CNTNAP2: variants seen among roughly 807,000 people sequenced by gnomAD.
CNTNAP2 encodes contactin-associated protein-like 2.
A neutral mutation model predicts 155.2 loss-of-function variants in CNTNAP2; 98 were observed. The ratio of observed to expected loss-of-function variants is 0.63; its 90% CI spans 0.54 to 0.75. The LOEUF is 0.75. CNTNAP2 is among the 30% of genes least tolerant of loss of function. The pLI, the probability that CNTNAP2 is intolerant of heterozygous loss-of-function variation, is 0.00. For missense variants in CNTNAP2, 1,727 were observed against 1,688.1 expected, an observed-to-expected ratio of 1.02 and a Z score of -0.40; for synonymous variants, 651 against 631.2, an observed-to-expected ratio of 1.03 and a Z score of -0.47.
rs1443674000 is a variant in CNTNAP2, at chr7:147,566,614, T to C, written c.1897+4357T>C. On this transcript the variant is annotated intron_variant, in intron 12 of 23. Coordinates refer to ENST00000361727, the MANE Select transcript of CNTNAP2 (RefSeq NM_014141.6). Reference sequence around the variant, plus strand: ...CAGGAGAGAGCATGTGAAGGCAGAATTGTCAAACACTTATAAAACCATTAG... The same window carrying C: ...CAGGAGAGAGCATGTGAAGGCAGAACTGTCAAACACTTATAAAACCATTAG... Among the ~76,000 whole-genome samples the C allele has an allele frequency of 5.3e-5, 8 of 152,030 alleles. No homozygotes were observed. The South Asian group carries it at 6.2e-4, about 12-fold the overall frequency.
chr7:147,932,555 C>A (rs1800525715), intron 14 of CNTNAP2, among the ~76,000 whole-genome samples: 2 of 152,114 alleles, frequency 1.3e-5, no homozygotes, highest in African/African-American at 4.8e-5. Flanking sequence ...ACATAAAAAT[C>A]AACTCAAAAT....
chr7:147,711,568 TG>T (rs1796400414), intron 13 of CNTNAP2, among the ~76,000 whole-genome samples: 1 of 152,184 alleles, frequency 6.6e-6, no homozygotes, highest in South Asian at 2.1e-4. Flanking sequence ...GATGGGAGCA[TG>T]TGGCAATCCA....
At position 146,228,380 on chromosome 7, in the gene CNTNAP2, TCA is replaced by T. The variant is rs1799330087; in HGVS notation, c.97+111408_97+111409del. Among the ~76,000 whole-genome samples, 3 of 152,220 alleles carry T rather than the reference TCA, an allele frequency of 2.0e-5. No homozygotes were observed. The South Asian group carries it at 6.2e-4, about 31-fold the overall frequency. On this transcript the variant is annotated intron_variant, in intron 1 of 23. Coordinates refer to ENST00000361727, the MANE Select transcript of CNTNAP2 (RefSeq NM_014141.6). ...GCAAGTCCCTTAATCTCACTGGACC[TCA>T]GTCTTCTCATATGTTACATAAAGAC... is the stretch of plus-strand genomic sequence containing the variant.
chr7:147,757,691 C>T (rs1040233127), intron 13 of CNTNAP2, among the ~76,000 whole-genome samples: 23 of 152,210 alleles, frequency 1.5e-4, no homozygotes, highest in Admixed American at 7.9e-4. Context: ...TCTAGACATA[C>T]TCCATAGTTG....
At chr7:147,998,406 C>T (rs1801845334) in intron 15 of CNTNAP2, among the ~76,000 whole-genome samples, 1 of 152,170 alleles carries the variant, frequency 6.6e-6, no homozygotes. Flanking sequence ...CCACGGCGCC[C>T]GGCCCATGGT....
chr7:147,486,168 T>C lies in CNTNAP2; in HGVS notation c.1777+127T>C, dbSNP rs1307309251. 4 of 694,930 alleles carry C rather than the reference T, an allele frequency of 5.8e-6. 1 individual carries two copies. The highest frequency in any genetic ancestry group is 5.5e-5 in the East Asian group (2 of 36,542). 43.0% of individuals were successfully genotyped at this position (694,930 alleles called of 1,614,324 possible). A position where few individuals can be genotyped will look rare whatever the true frequency, so the allele number is the denominator to read the frequency against. ...ATCACTCGAATCTGAAAAACCAAGA[T>C]TCCAATTGTCATTTCTCCAAAAAAA... On this transcript the variant is annotated intron_variant, in intron 11 of 23. Transcript: ENST00000361727.
chr7:146,582,992 T>G (rs1416549245), intron 1 of CNTNAP2, among the ~76,000 whole-genome samples: 2 of 151,338 alleles, frequency 1.3e-5, no homozygotes, highest in Non-Finnish European at 2.9e-5. Flanking sequence ...GAGGCAACAC[T>G]ATGGCATTTT....
chr7:146,418,956 T>A (rs541710229), intron 1 of CNTNAP2, among the ~76,000 whole-genome samples: 2 of 152,242 alleles, frequency 1.3e-5, no homozygotes, highest in African/African-American at 4.8e-5. Flanking sequence ...TTCACTGTAG[T>A]CAAAGGAACC....
intron 1 of CNTNAP2, among the ~76,000 whole-genome samples, chr7:146,741,478 G>A (rs1418458817): frequency 1.3e-5 from 2 of 152,152 alleles, no homozygotes; most frequent in African/African-American, 2.4e-5. Flanking sequence ...GAAATGTATT[G>A]TGAATGAAAT....
intron 10 of CNTNAP2, among the ~76,000 whole-genome samples, chr7:147,410,106 A>G (rs7809451): frequency 0.025 from 3,824 of 152,318 alleles, 180 homozygotes; most frequent in African/African-American, 0.087. Context: ...CCATGCAGAC[A>G]TTCATTGCAG....
intron 8 of CNTNAP2, among the ~76,000 whole-genome samples, chr7:147,162,852 T>C (rs563221653): frequency 2.6e-4 from 40 of 152,348 alleles, no homozygotes; most frequent in African/African-American, 9.1e-4. Flanking sequence ...TCAGCAATCA[T>C]GTTACACATG....
intron 5 of CNTNAP2, among the ~76,000 whole-genome samples, chr7:147,113,871 G>A (rs922818144): frequency 3.3e-5 from 5 of 152,188 alleles, no homozygotes; most frequent in African/African-American, 1.2e-4. Context: ...GGGTTTGTTT[G>A]CTCTTGGTTC....
intron 13 of CNTNAP2, among the ~76,000 whole-genome samples, chr7:147,753,870 G>A (rs12540754): frequency 0.011 from 1,670 of 152,258 alleles, 96 homozygotes; most frequent in Admixed American, 0.087. Flanking sequence ...AGGTCAGAAA[G>A]TAATGGTTAA....
intron 21 of CNTNAP2, among the ~76,000 whole-genome samples, chr7:148,343,929 T>G (rs2116585349): frequency 6.6e-6 from 1 of 152,334 alleles, no homozygotes; most frequent in South Asian, 2.1e-4. Flanking sequence ...TAATTCAGTG[T>G]TGCCTCTGAT....
chr7:147,133,763 A>G (rs1405616088), intron 8 of CNTNAP2, among the ~76,000 whole-genome samples: 1 of 152,068 alleles, frequency 6.6e-6, no homozygotes, highest in Non-Finnish European at 1.5e-5. Flanking sequence ...AAAAGGATTC[A>G]AGGAAGCCAC....
intron 4 of CNTNAP2, among the ~76,000 whole-genome samples, chr7:147,107,927 C>T (rs1287249527): frequency 6.6e-6 from 1 of 152,056 alleles, no homozygotes; most frequent in East Asian, 1.9e-4. Flanking sequence ...AAATGTTCAA[C>T]TGATAGAGCT....
chr7:146,250,939 G>A (rs802522), intron 1 of CNTNAP2, among the ~76,000 whole-genome samples: 24,976 of 152,112 alleles, frequency 0.16, 4,799 homozygotes, highest in African/African-American at 0.47. Flanking sequence ...AGTTTAGTGA[G>A]CTCAAGGTGA....
At chr7:146,727,385 G>A (rs1585061821) in intron 1 of CNTNAP2, among the ~76,000 whole-genome samples, 2 of 152,154 alleles carry the variant, frequency 1.3e-5, no homozygotes, top group Non-Finnish European at 2.9e-5. Flanking sequence ...ATCAAAGTCA[G>A]TAGTTTACTA....
intron 4 of CNTNAP2, among the ~76,000 whole-genome samples, chr7:147,047,830 G>A (rs539922847): frequency 6.6e-6 from 1 of 152,224 alleles, no homozygotes; most frequent in East Asian, 1.9e-4. Flanking sequence ...CTTTTCCACT[G>A]TATAAGTCCC....
Sources: allele counts gnomAD v4.1 joint callset (sites outside exome capture counted in the v4.1 genomes callset), GRCh38; gene constraint gnomAD v4.1.1; transcripts MANE v1.5; gene names NCBI Gene and HGNC (gene_info 2026-07-23, HGNC 2026-07-21).